The following CTDSP1 variants were observed in gnomAD, a reference collection of about 807,000 sequenced individuals.
The protein encoded by CTDSP1 is carboxy-terminal domain RNA polymerase II polypeptide A small phosphatase 1.
In CTDSP1, 15 loss-of-function variants were observed where a neutral mutation model predicts 32.5. That is an observed-to-expected ratio of 0.46 (90% CI 0.31 to 0.71). The LOEUF (loss-of-function observed/expected upper bound fraction) is 0.71. CTDSP1 is among the 30% of genes least tolerant of loss of function. The probability of loss-of-function intolerance (pLI) is 0.05; values close to 1 mark genes in which losing one functional copy is unlikely to be tolerated. For missense variants in CTDSP1, 294 were observed against 351.1 expected (o/e 0.84, Z 1.30); for synonymous variants, 185 against 145.4 (o/e 1.27, Z -1.96).
At chr2:218,401,385 C>G (rs2607726) in intron 1 of CTDSP1, 179 bp from the exon 2 acceptor site, 638,846 of 642,216 alleles carry the variant, frequency 0.99, 317,845 homozygotes, top group East Asian at 1. Flanking sequence ...AGGAGCCTTG[C>G]AGTTGATTGT....
Position 218,403,288 on chromosome 2 carries a change from G to A in CTDSP1, c.528G>A (p.Leu176=), listed in dbSNP as rs777629081. The change falls in exon 6 of 7, where the codon CTG becomes CTA. Residue 176 remains leucine, a synonymous_variant. Coordinates refer to ENST00000273062, the MANE Select transcript of CTDSP1 (RefSeq NM_021198.3). ...LDKWGAFRAR[L]FRESCVFHRG... ...AATGGGGGGCCTTCCGGGCCCGGCT[G>A]TTTCGAGAGTCCTGCGTCTTCCACC... 2 of 1,614,124 alleles carry A rather than the reference G, an allele frequency of 1.2e-6. No homozygotes were observed. The highest frequency in any genetic ancestry group is 1.3e-5 in the African/African-American group (1 of 75,080).
intron 1 of CTDSP1, 87 bp from the exon 2 acceptor site, chr2:218,401,477 T>TG: frequency 6.8e-7 from 1 of 1,478,820 alleles, no homozygotes; most frequent in Non-Finnish European, 9.2e-7. Flanking sequence ...AAGATCCTCC[T>TG]GGCTCAGGGG....
chr2:218,400,417 C>A (rs1449767418), intron 1 of CTDSP1: 4 of 543,904 alleles, frequency 7.4e-6, no homozygotes, highest in South Asian at 1.8e-5. Context: ...GGGAACTCTT[C>A]GGGGGTTTCC....
At chr2:218,402,543 C>A in intron 4 of CTDSP1, 138 bp downstream of exon 4, 3 of 909,752 alleles carry the variant, frequency 3.3e-6, no homozygotes. Flanking sequence ...TGAGACTTGT[C>A]CCAAAGTCAC....
chr2:218,397,815 G>A (rs10189062), upstream of CTDSP1, among the ~76,000 whole-genome samples: 2,269 of 152,148 alleles, frequency 0.015, 61 homozygotes, highest in African/African-American at 0.052. Context: ...CGCCCCAGGC[G>A]TGGGGAGATA....
At chr2:218,403,732 G>A (rs1697274908) in intron 6 of CTDSP1, 1 of 296,442 alleles carries the variant, frequency 3.4e-6, no homozygotes, top group Non-Finnish European at 6.2e-6. Flanking sequence ...AATTTAGTGG[G>A]TTCTGATTGG....
Position 218,405,800 on chromosome 2 carries a change from G to A in CTDSP1, c.*1375G>A, listed in dbSNP as rs542536785. 1.3e-5 allele frequency: 2 copies of A among 153,132 alleles called. No homozygotes were observed. The highest frequency in any genetic ancestry group is 2.1e-4 in the South Asian group (1 of 4,844). 9.5% of individuals were successfully genotyped at this position (153,132 alleles called of 1,614,324 possible). On this transcript the variant is annotated 3_prime_UTR_variant, in exon 7 of 7. Coordinates refer to ENST00000273062, the MANE Select transcript of CTDSP1 (RefSeq NM_021198.3). ...GCCAAGGGGGATGTCAAGTGGTGATGTCGTTGTGCTCCCCTCCCCCAGAGC... is the reference window on the plus strand; with the variant it reads ...GCCAAGGGGGATGTCAAGTGGTGATATCGTTGTGCTCCCCTCCCCCAGAGC...
upstream of CTDSP1, chr2:218,399,705 C>A: frequency 6.1e-6 from 6 of 988,002 alleles, no homozygotes; most frequent in Non-Finnish European, 7.2e-6. Context: ...GGAAGGGAGG[C>A]GACGCCCCCT....
At position 218,400,440 on chromosome 2, in the gene CTDSP1, C is replaced by T. The variant is rs1335997497; in HGVS notation, c.67+283C>T. 8 of 530,370 alleles carry T rather than the reference C, an allele frequency of 1.5e-5. No individual in the cohort carries two copies. The African/African-American group carries it at 1.5e-4, about 10-fold the overall frequency. The allele number at this position is 530,370 out of a possible 1,614,324, so 32.9% of individuals were successfully genotyped here. On this transcript the variant is annotated intron_variant, in intron 1 of 6. Coordinates refer to ENST00000273062, the MANE Select transcript of CTDSP1 (RefSeq NM_021198.3). ...TTCGGGGGTTTCCTGGCAGGCATTG[C>T]GTGGTGCATGGGCGCCCCCCCACCA... is the stretch of plus-strand genomic sequence containing the variant.
At chr2:218,396,737 A>G (rs1276654979), upstream of CTDSP1, 2 of 152,572 alleles carry the variant, frequency 1.3e-5, no homozygotes, top group East Asian at 3.8e-4. Flanking sequence ...CGTTTAGCGA[A>G]GAAAGGCATC....
chr2:218,402,109 A>C lies in CTDSP1; in HGVS notation c.217-2A>C, dbSNP rs781270396. The C allele has an allele frequency of 1.2e-6, 2 of 1,609,720 alleles. No homozygotes were observed. Among genetic ancestry groups the C allele is most frequent in the Non-Finnish European group, 8.5e-7 (1 of 1,177,070 alleles). On this transcript the variant is annotated splice_acceptor_variant, in intron 2 of 6. Coordinates refer to ENST00000273062, the MANE Select transcript of CTDSP1 (RefSeq NM_021198.3). LOFTEE classifies it high-confidence loss of function. Reference sequence around the variant, plus strand: ...CCCCAGCCAGCCCCGCCCTCCCTACAGCAGACCCCAGTCCAATACCTGCTC... The same window carrying C: ...CCCCAGCCAGCCCCGCCCTCCCTACCGCAGACCCCAGTCCAATACCTGCTC...
upstream of CTDSP1, chr2:218,398,534 G>C (rs552245467): frequency 7.0e-6 from 9 of 1,284,044 alleles, no homozygotes; most frequent in African/African-American, 4.7e-5. Flanking sequence ...AGCGCACGAA[G>C]CCGCCGCGCC....
At chr2:218,397,751 A>AC (rs368483069), upstream of CTDSP1, among the ~76,000 whole-genome samples, 70 of 151,416 alleles carry the variant, frequency 4.6e-4, no homozygotes, top group Middle Eastern at 6.8e-3. Flanking sequence ...CACTCGAAGG[A>AC]CCCCCCTCCC....
At chr2:218,400,208 G>A (rs879677750) in intron 1 of CTDSP1, 51 bp downstream of exon 1, 8 of 1,494,494 alleles carry the variant, frequency 5.4e-6, no homozygotes, top group Non-Finnish European at 7.2e-6. Flanking sequence ...TGGGAGGAGA[G>A]AAGGGGCCGG....
At chr2:218,400,465 A>C in intron 1 of CTDSP1, 3 of 447,430 alleles carry the variant, frequency 6.7e-6, no homozygotes, top group Non-Finnish European at 4.2e-6. Flanking sequence ...CCCCCCCACC[A>C]TTGGCGCCAA....
upstream of CTDSP1, chr2:218,398,586 C>G (rs1696941447): frequency 1.4e-6 from 1 of 703,132 alleles, no homozygotes; most frequent in East Asian, 3.4e-5. Context: ...TCCCGGCCCC[C>G]GCGCGGGGCC....
At position 218,400,051 on chromosome 2, in the gene CTDSP1, C is replaced by T. The variant is rs918664389; in HGVS notation, c.-40C>T. 1.9e-5 allele frequency: 26 copies of T among 1,360,312 alleles called. 2 individuals carry two copies. In the South Asian group the frequency reaches 4.2e-4, roughly 22 times the overall value. The allele number at this position is 1,360,312 out of a possible 1,614,324, so 84.3% of individuals were successfully genotyped here. A position where few individuals can be genotyped will look rare whatever the true frequency, so the allele number is the denominator to read the frequency against. On this transcript the variant is annotated 5_prime_UTR_variant, in exon 1 of 7. Coordinates refer to ENST00000273062, the MANE Select transcript of CTDSP1 (RefSeq NM_021198.3). ...CCCAGCCGGGGGGGAGGCCGGGCGCCCGGGCCAGAGTCCGGCCGGAGCGGA... is the reference window on the plus strand; with the variant it reads ...CCCAGCCGGGGGGGAGGCCGGGCGCTCGGGCCAGAGTCCGGCCGGAGCGGA...
At chr2:218,397,605 TTC>T (rs910762057), upstream of CTDSP1, among the ~76,000 whole-genome samples, 4 of 152,158 alleles carry the variant, frequency 2.6e-5, no homozygotes, top group African/African-American at 9.7e-5. Flanking sequence ...CCCTCCCCGT[TTC>T]TGACTTGTGG....
upstream of CTDSP1, chr2:218,398,614 C>A: frequency 1.9e-6 from 1 of 532,172 alleles, no homozygotes; most frequent in South Asian, 3.0e-5. Flanking sequence ...CCCGGCTCCC[C>A]CTCGGCAGGG....
Sources: allele counts gnomAD v4.1 joint callset (sites outside exome capture counted in the v4.1 genomes callset), GRCh38; gene constraint gnomAD v4.1.1; transcripts MANE v1.5; gene names NCBI Gene and HGNC (gene_info 2026-07-23, HGNC 2026-07-21).